The following LIMCH1 variants were observed in gnomAD, a reference collection of about 807,000 sequenced individuals.
The protein encoded by LIMCH1 is LIM and calponin homology domains 1.
LIMCH1 carries 113 observed loss-of-function variants against 176.5 expected under a neutral mutation model. The observed-to-expected ratio is 0.64, with a 90% CI of 0.55 to 0.75. LIMCH1 has a LOEUF of 0.75. Among genes scored for constraint, LIMCH1 ranks in the 30% least tolerant of loss-of-function variants. The probability of loss-of-function intolerance (pLI) is 0.00; values close to 1 mark genes in which losing one functional copy is unlikely to be tolerated. For synonymous variants in LIMCH1, 619 were observed against 645.9 expected (o/e 0.96, Z 0.63); for missense variants, 1,674 against 1,814.9 (o/e 0.92, Z 1.41).
intron 5 of LIMCH1, among the ~76,000 whole-genome samples, chr4:41,616,388 G>A (rs1195012762): frequency 2.6e-5 from 4 of 151,966 alleles, no homozygotes; most frequent in Non-Finnish European, 4.4e-5. Flanking sequence ...AATTAGCTGG[G>A]CATGGTGGCG....
At chr4:41,421,773 G>A (rs2060626465) in intron 1 of LIMCH1, among the ~76,000 whole-genome samples, 1 of 152,118 alleles carries the variant, frequency 6.6e-6, no homozygotes, top group African/African-American at 2.4e-5. Context: ...AGATGAATTA[G>A]CAATTCAGAT....
At position 41,629,850 on chromosome 4, in the gene LIMCH1, C is replaced by A; in HGVS notation, c.1271+116C>A. 3.2e-6 allele frequency: 4 copies of A among 1,235,036 alleles called. No individual in the cohort carries two copies. The South Asian group carries it at 4.8e-5, about 15-fold the overall frequency. 76.5% of individuals were successfully genotyped at this position (1,235,036 alleles called of 1,614,324 possible). A position where few individuals can be genotyped will look rare whatever the true frequency, so the allele number is the denominator to read the frequency against. On this transcript the variant is annotated intron_variant, in intron 9 of 31. Transcript: ENST00000503057. Reference sequence around the variant, plus strand: ...TTTGTCAGGGTCTTGCTCTGTTGCCCAGGCTGGAATATAGTGGCTTGATCA... The same window carrying A: ...TTTGTCAGGGTCTTGCTCTGTTGCCAAGGCTGGAATATAGTGGCTTGATCA...
intron 1 of LIMCH1, among the ~76,000 whole-genome samples, chr4:41,568,162 A>G (rs1051648878): frequency 6.6e-6 from 1 of 152,194 alleles, no homozygotes; most frequent in African/African-American, 2.4e-5. Context: ...CAAAAAAGAA[A>G]AAAGCAGCTA....
intron 1 of LIMCH1, among the ~76,000 whole-genome samples, chr4:41,376,603 C>A (rs1335898287): frequency 6.6e-6 from 1 of 151,964 alleles, no homozygotes; most frequent in Admixed American, 6.6e-5. Flanking sequence ...AATATTTATA[C>A]TTAAAATATA....
At chr4:41,532,149 A>G (rs1282672283) in intron 3 of LIMCH1, among the ~76,000 whole-genome samples, 1 of 152,172 alleles carries the variant, frequency 6.6e-6, no homozygotes, top group East Asian at 1.9e-4. Context: ...CTAGCCATGA[A>G]AGACTACACA....
intron 1 of LIMCH1, among the ~76,000 whole-genome samples, chr4:41,540,528 C>A (rs189786892): frequency 1.9e-3 from 293 of 152,296 alleles, no homozygotes; most frequent in Middle Eastern, 0.01. Context: ...CACCTGAGAT[C>A]AGGCGTTCGA....
chr4:41,552,991 A>G (rs1173834954), intron 1 of LIMCH1, among the ~76,000 whole-genome samples: 2 of 152,174 alleles, frequency 1.3e-5, no homozygotes, highest in Non-Finnish European at 2.9e-5. Flanking sequence ...AATCCCCAAA[A>G]ATCTGAATGG....
rs73811194 is a variant in LIMCH1, at chr4:41,386,696, G to A, written c.96+25760G>A. Among the ~76,000 whole-genome samples the A allele has an allele frequency of 4.2e-3, 646 of 152,262 alleles. 5 individuals carry two copies. The highest frequency in any genetic ancestry group is 0.014 in the African/African-American group (599 of 41,536). ...GAAACCCAATTTTCCATGACCTGGC[G>A]TCATGTGGGATACTGAGAGATCACT... On this transcript the variant is annotated intron_variant, in intron 1 of 26. Transcript: ENST00000313860.
At chr4:41,603,595 C>T (rs764123398) in intron 2 of LIMCH1, among the ~76,000 whole-genome samples, 3 of 152,072 alleles carry the variant, frequency 2.0e-5, no homozygotes, top group Non-Finnish European at 2.9e-5. Flanking sequence ...ATGAATAGTC[C>T]CAGTTCTGAT....
intron 1 of LIMCH1, among the ~76,000 whole-genome samples, chr4:41,555,119 T>G (rs1207359018): frequency 0.024 from 3,715 of 152,302 alleles, 138 homozygotes; most frequent in African/African-American, 0.08. Flanking sequence ...GAACAAGGCA[T>G]GAATAGTTAG....
At position 41,676,484 on chromosome 4, in the gene LIMCH1, T is replaced by G. The variant is rs112715318; in HGVS notation, c.3519+22T>G. ...CCAGGTAGGATGGAGTTTGCTGCTT[T>G]TTTTGTTTTTCCTTTTTTGTCCTCT... On this transcript the variant is annotated intron_variant, in intron 23 of 31. Transcript: ENST00000503057. 4.4e-4 allele frequency: 703 copies of G among 1,593,566 alleles called. 3 individuals carry two copies. In the African/African-American group the frequency reaches 8.2e-3, roughly 19 times the overall value.
intron 13 of LIMCH1, among the ~76,000 whole-genome samples, chr4:41,638,395 G>A (rs545564050): frequency 2.8e-4 from 43 of 152,302 alleles, no homozygotes; most frequent in African/African-American, 9.9e-4. Flanking sequence ...GGCACTGATT[G>A]GGGTTCTGGT....
chr4:41,585,921 T>C (rs911106089), intron 1 of LIMCH1, among the ~76,000 whole-genome samples: 2 of 152,208 alleles, frequency 1.3e-5, no homozygotes, highest in Non-Finnish European at 2.9e-5. Flanking sequence ...AATGAGTTCA[T>C]TGATCACACA....
At chr4:41,517,285 T>C (rs2075677589) in intron 2 of LIMCH1, among the ~76,000 whole-genome samples, 1 of 152,160 alleles carries the variant, frequency 6.6e-6, no homozygotes, top group South Asian at 2.1e-4. Context: ...AGCACTCTAT[T>C]ATATAGCCAC....
chr4:41,449,344 C>T (rs2063603451), intron 1 of LIMCH1, among the ~76,000 whole-genome samples: 1 of 152,176 alleles, frequency 6.6e-6, no homozygotes, highest in Admixed American at 6.5e-5. Flanking sequence ...AGCATATGCC[C>T]AGGTTTACCT....
chr4:41,469,439 C>A (rs985136846), intron 1 of LIMCH1, among the ~76,000 whole-genome samples: 1 of 151,692 alleles, frequency 6.6e-6, no homozygotes, highest in African/African-American at 2.4e-5. Context: ...TCAATGACTC[C>A]CCTGTACTTG....
intron 1 of LIMCH1, among the ~76,000 whole-genome samples, chr4:41,590,104 C>CT (rs5857805): frequency 0.26 from 38,877 of 151,244 alleles, 6,444 homozygotes; most frequent in African/African-American, 0.47. Flanking sequence ...ATTAATTGTT[C>CT]TTTTTTTTGA....
Position 41,695,421 on chromosome 4 carries a change from A to T in LIMCH1, c.4379-1739A>T, listed in dbSNP as rs140478548. Among the ~76,000 whole-genome samples the T allele has an allele frequency of 9.6e-3, 1,460 of 151,374 alleles. 11 individuals carry two copies. The highest frequency in any genetic ancestry group is 0.023 in the East Asian group (118 of 5,152). ...AGCTATCTGGCCTGATTTTTTTTCC[A>T]GTTAGCCACTTGTATGAATATCACT... On this transcript the variant is annotated intron_variant, in intron 31 of 31. Coordinates refer to ENST00000503057, the MANE Select transcript of LIMCH1 (RefSeq NM_001330672.2).
chr4:41,538,538 T>C (rs937464554), intron 1 of LIMCH1, among the ~76,000 whole-genome samples, 188 bp downstream of exon 1: 3 of 149,322 alleles, frequency 2.0e-5, no homozygotes, highest in Non-Finnish European at 2.9e-5. Flanking sequence ...TGTTAGCACC[T>C]GTTGCTTTTA....
Sources: gnomAD v4.1 joint callset for allele counts (sites outside exome capture counted in the v4.1 genomes callset) on GRCh38, gnomAD v4.1.1 for gene constraint, MANE v1.5 for transcripts, NCBI Gene and HGNC (gene_info 2026-07-23, HGNC 2026-07-21) for gene names.